Variants in ZFHX4 observed in about 807,000 individuals in gnomAD.
The protein encoded by ZFHX4 is zinc finger homeobox 4.
ZFHX4 carries 56 observed loss-of-function variants against 267.6 expected under a neutral mutation model. The ratio of observed to expected loss-of-function variants is 0.21; its 90% CI spans 0.17 to 0.26. ZFHX4 has a LOEUF of 0.26. Ranked by LOEUF, ZFHX4 falls within the 10% of genes least tolerant of loss-of-function variation. ZFHX4 has a pLI of 1.00. For synonymous variants in ZFHX4, 1,778 were observed against 1,665.6 expected (o/e 1.07, Z -1.64); for missense variants, 4,332 against 4,420.0 (o/e 0.98, Z 0.56).
chr8:76,826,463 C>T (rs1331830187), intron 4 of ZFHX4, among the ~76,000 whole-genome samples: 2 of 152,044 alleles, frequency 1.3e-5, no homozygotes, highest in South Asian at 2.1e-4. Context: ...TTTTTCTTAT[C>T]GTTAAAAAAT....
chr8:76,685,307 C>A (rs1807664264), intron 1 of ZFHX4, among the ~76,000 whole-genome samples: 1 of 151,704 alleles, frequency 6.6e-6, no homozygotes, highest in African/African-American at 2.4e-5. Context: ...ATTAAATTTC[C>A]CTCCTTCATT....
At chr8:76,769,097 C>CAATAA (rs1309170639) in intron 3 of ZFHX4, among the ~76,000 whole-genome samples, 1 of 151,528 alleles carries the variant, frequency 6.6e-6, no homozygotes, top group South Asian at 2.1e-4. Context: ...GACCCTGTCT[C>CAATAA]AATAAAATAA....
At chr8:76,789,012 C>T (rs1354822482) in intron 4 of ZFHX4, among the ~76,000 whole-genome samples, 1 of 152,134 alleles carries the variant, frequency 6.6e-6, no homozygotes, top group East Asian at 1.9e-4. Flanking sequence ...GGAAAGTTTG[C>T]AACTAAAGTA....
chr8:76,857,147 T>C (rs956084110), intron 10 of ZFHX4, among the ~76,000 whole-genome samples: 7 of 152,060 alleles, frequency 4.6e-5, no homozygotes, highest in Admixed American at 4.6e-4. Flanking sequence ...AGTATAGGTA[T>C]TCAATTATAT....
Position 76,864,278 on chromosome 8 carries a change from T to C in ZFHX4, c.10564T>C (p.Ser3522Pro). ...CACCTATCCTCATCTTTCTTGCTTC[T>C]CCATGAAGTCCTGGCCTAATATCCT... Reference protein sequence around the residue: ...NNTYPHLSCFSMKSWPNILFQ... With the variant: ...NNTYPHLSCFPMKSWPNILFQ... The change falls in exon 11 of 11, where the codon TCC (serine) becomes CCC (proline). Residue 3522 changes from serine to proline, a missense_variant. This residue lies in a region of ZFHX4 where 1,648 missense variants were observed against 1,625.0 expected (regional missense o/e 1.01). Coordinates refer to ENST00000651372, the MANE Select transcript of ZFHX4 (RefSeq NM_024721.5). The C allele has an allele frequency of 6.2e-7, 1 of 1,613,896 alleles. No homozygotes were observed. Among genetic ancestry groups the C allele is most frequent in the Non-Finnish European group, 8.5e-7 (1 of 1,179,842 alleles).
At chr8:76,763,969 A>G (rs1349256543) in intron 3 of ZFHX4, among the ~76,000 whole-genome samples, 1 of 152,152 alleles carries the variant, frequency 6.6e-6, no homozygotes, top group African/African-American at 2.4e-5. Flanking sequence ...CTTTATATTC[A>G]TATGTTCATA....
chr8:76,844,620 G>T (rs1043060116), intron 6 of ZFHX4, among the ~76,000 whole-genome samples: 6 of 152,036 alleles, frequency 3.9e-5, no homozygotes, highest in Non-Finnish European at 5.9e-5. Flanking sequence ...TCTTCCTTGG[G>T]CACCTAATTG....
At chr8:76,797,550 A>C (rs1811009657) in intron 4 of ZFHX4, among the ~76,000 whole-genome samples, 1 of 152,202 alleles carries the variant, frequency 6.6e-6, no homozygotes, top group Non-Finnish European at 1.5e-5. Flanking sequence ...ATTTTCTCAA[A>C]ACTACAGATT....
At chr8:76,777,026 A>C (rs1810416743) in intron 3 of ZFHX4, among the ~76,000 whole-genome samples, 2 of 152,102 alleles carry the variant, frequency 1.3e-5, no homozygotes, top group Admixed American at 6.5e-5. Flanking sequence ...TATTCAACTA[A>C]TCTAAGAACA....
At chr8:76,856,373 C>A in intron 10 of ZFHX4, 73 bp downstream of exon 10, 3 of 1,539,550 alleles carry the variant, frequency 1.9e-6, no homozygotes, top group Non-Finnish European at 2.7e-6. Context: ...TAACCAAGAA[C>A]GGGGTGCCTT....
chr8:76,863,070 C>G, intron 10 of ZFHX4, 24 bp from the exon 11 acceptor site: 1 of 1,485,614 alleles, frequency 6.7e-7, no homozygotes, highest in East Asian at 2.5e-5. Flanking sequence ...TTGACAGTGG[C>G]CATCTCTCTG....
intron 3 of ZFHX4, among the ~76,000 whole-genome samples, chr8:76,738,060 C>T (rs1263177614): frequency 6.6e-6 from 1 of 152,140 alleles, no homozygotes; most frequent in Non-Finnish European, 1.5e-5. Context: ...ATATGTAGAG[C>T]TAAGCACCTC....
chr8:76,797,492 T>C (rs536311089), intron 4 of ZFHX4, among the ~76,000 whole-genome samples: 16 of 152,304 alleles, frequency 1.1e-4, no homozygotes, highest in African/African-American at 3.4e-4. Flanking sequence ...TGAGCAACTC[T>C]TATTGCATAT....
rs368815307 is a variant in ZFHX4, at chr8:76,863,199, C to T, written c.9485C>T (p.Pro3162Leu). ...SAPTKPLLQT[P>L]PPPPPPPPPP... ...CCCACCAAACCTTTGCTGCAGACTC[C>T]ACCACCTCCACCACCTCCTCCTCCT... is the stretch of plus-strand genomic sequence containing the variant. The change falls in exon 11 of 11, where the codon CCA becomes CTA. Residue 3162 changes from proline (P) to leucine (L), a missense_variant. By Grantham distance (98) the Pro-to-Leu change is moderately conservative. This residue lies in a region of ZFHX4 where 1,648 missense variants were observed against 1,625.0 expected (regional missense o/e 1.01). Coordinates refer to ENST00000651372, the MANE Select transcript of ZFHX4 (RefSeq NM_024721.5). The T allele has an allele frequency of 3.2e-6, 5 of 1,565,558 alleles. No homozygotes were observed. In the African/African-American group the frequency reaches 5.4e-5, roughly 17 times the overall value.
At chr8:76,811,059 T>C (rs1458187186) in intron 4 of ZFHX4, among the ~76,000 whole-genome samples, 1 of 152,134 alleles carries the variant, frequency 6.6e-6, no homozygotes, top group Non-Finnish European at 1.5e-5. Flanking sequence ...AGTCCTATAA[T>C]TTACATTGAA....
intron 3 of ZFHX4, among the ~76,000 whole-genome samples, chr8:76,741,709 C>A (rs11786868): frequency 6.6e-6 from 1 of 151,966 alleles, no homozygotes; most frequent in Non-Finnish European, 1.5e-5. Context: ...AGATAGAAAT[C>A]GAGACACCTT....
At chr8:76,813,697 G>C (rs1811433548) in intron 4 of ZFHX4, among the ~76,000 whole-genome samples, 1 of 151,086 alleles carries the variant, frequency 6.6e-6, no homozygotes, top group South Asian at 2.1e-4. Context: ...CAGAAACAAT[G>C]GATGTTCTCC....
intron 3 of ZFHX4, among the ~76,000 whole-genome samples, chr8:76,708,413 G>C (rs554384533): frequency 1.3e-5 from 2 of 151,284 alleles, no homozygotes; most frequent in African/African-American, 2.4e-5. Context: ...AATGGTTACA[G>C]GGAGCAGAAG....
intron 1 of ZFHX4, among the ~76,000 whole-genome samples, chr8:76,684,733 T>A (rs542759392): frequency 1.3e-4 from 20 of 152,314 alleles, no homozygotes; most frequent in African/African-American, 4.6e-4. Flanking sequence ...GAGGCAAACA[T>A]GTTCAGTGCT....
Sources: gnomAD v4.1 joint callset for allele counts (sites outside exome capture counted in the v4.1 genomes callset) on GRCh38, gnomAD v4.1.1 for gene constraint, gnomAD v4.1.1 regional missense constraint, MANE v1.5 for transcripts, NCBI Gene and HGNC (gene_info 2026-07-23, HGNC 2026-07-21) for gene names.